The following CPPED1 variants were observed in gnomAD, a reference collection of about 807,000 sequenced individuals.
CPPED1 encodes the protein serine/threonine-protein phosphatase CPPED1.
In CPPED1, 28 loss-of-function variants were observed where a neutral mutation model predicts 28.0. That is an observed-to-expected ratio of 1.00 (90% CI 0.74 to 1.37). The LOEUF (loss-of-function observed/expected upper bound fraction) is 1.37, where lower values mean the gene tolerates loss of function less well. Ranked by LOEUF, CPPED1 falls within the 40% of genes most tolerant of loss-of-function variation. The pLI, the probability that CPPED1 is intolerant of heterozygous loss-of-function variation, is 0.00. For missense variants in CPPED1, 504 were observed against 416.5 expected (o/e 1.21, Z -1.83); for synonymous variants, 198 against 180.2 (o/e 1.10, Z -0.79).
At chr16:12,790,780 T>C (rs1270742194) in intron 1 of CPPED1, among the ~76,000 whole-genome samples, 6 of 151,844 alleles carry the variant, frequency 4.0e-5, no homozygotes, top group South Asian at 2.1e-4. Flanking sequence ...AATATAAAAA[T>C]TAGCCAGGCA....
intron 2 of CPPED1, among the ~76,000 whole-genome samples, chr16:12,768,159 T>A (rs1250815742): frequency 1.3e-5 from 2 of 152,222 alleles, no homozygotes; most frequent in Non-Finnish European, 2.9e-5. Context: ...AAAAGGACTC[T>A]TAAGACCTTT....
At chr16:12,678,263 A>G (rs1307645916) in intron 3 of CPPED1, among the ~76,000 whole-genome samples, 2 of 152,268 alleles carry the variant, frequency 1.3e-5, no homozygotes, top group East Asian at 1.9e-4. Flanking sequence ...CAACTATTCT[A>G]TAAGTAAGAG....
chr16:12,703,409 C>T (rs1404014274), intron 3 of CPPED1, among the ~76,000 whole-genome samples: 2 of 152,148 alleles, frequency 1.3e-5, no homozygotes, highest in African/African-American at 4.8e-5. Context: ...TCCACCTCAC[C>T]AGAGGAAAAC....
At position 12,709,067 on chromosome 16, in the gene CPPED1, C is replaced by T. The variant is rs545970274; in HGVS notation, c.290-4018G>A. Among the ~76,000 whole-genome samples, 1 of 152,196 alleles carries T rather than the reference C, an allele frequency of 6.6e-6. No individual in the cohort carries two copies. The highest frequency in any genetic ancestry group is 2.4e-5 in the African/African-American group (1 of 41,546). On this transcript the variant is annotated intron_variant, in intron 2 of 3. Coordinates refer to ENST00000381774, the MANE Select transcript of CPPED1 (RefSeq NM_018340.3). The surrounding 1 kb of genome is among the most constrained non-coding windows in gnomAD (Gnocchi z 4.4). ...TGCATTCCAGCCTGGGTGACAAGAG[C>T]AAAACTCTGTCTCAAAAATGTCCCA...
intron 3 of CPPED1, 60 bp from the exon 4 acceptor site, chr16:12,665,175 C>A: frequency 6.7e-7 from 1 of 1,485,828 alleles, no homozygotes; most frequent in Non-Finnish European, 9.0e-7. Flanking sequence ...AACCTAGGGT[C>A]TCCAGCATTT....
chr16:12,688,174 G>GA (rs1239085318), intron 3 of CPPED1, among the ~76,000 whole-genome samples: 2 of 151,666 alleles, frequency 1.3e-5, no homozygotes. Flanking sequence ...GGGACTACAG[G>GA]TGCACACCAC....
At chr16:12,718,750 G>C (rs2080121463) in intron 2 of CPPED1, among the ~76,000 whole-genome samples, 2 of 151,618 alleles carry the variant, frequency 1.3e-5, no homozygotes, top group Non-Finnish European at 2.9e-5. Flanking sequence ...ATCACTTGAG[G>C]TCAGGAGTTC....
rs868059189 is a variant in CPPED1 at position 12,662,634 on chromosome 16, C to T, written c.*2252G>A. 3.3e-5 allele frequency: 5 copies of T among 152,120 alleles called. No homozygotes were observed. The highest frequency in any genetic ancestry group is 7.3e-5 in the Non-Finnish European group (5 of 68,034). 9.4% of individuals were successfully genotyped at this position (152,120 alleles called of 1,614,324 possible). On this transcript the variant is annotated 3_prime_UTR_variant, in exon 4 of 4. Coordinates refer to ENST00000381774, the MANE Select transcript of CPPED1 (RefSeq NM_018340.3). The stretch of plus-strand genomic sequence containing the variant: ...TTTATGAGTGAGAACATGAAGTATT[C>T]GACTTTCTACTTCTAAGTTATTTCA...
At chr16:12,727,265 G>C (rs988596918) in intron 2 of CPPED1, among the ~76,000 whole-genome samples, 2 of 152,194 alleles carry the variant, frequency 1.3e-5, no homozygotes, top group African/African-American at 4.8e-5. Flanking sequence ...GGTGGCGACA[G>C]GGAAAACAGT....
intron 2 of CPPED1, among the ~76,000 whole-genome samples, chr16:12,756,864 T>C (rs2080372795): frequency 6.6e-6 from 1 of 151,708 alleles, no homozygotes; most frequent in African/African-American, 2.4e-5. Context: ...TATAGACACC[T>C]ACAGTGCTCT....
intron 2 of CPPED1, among the ~76,000 whole-genome samples, chr16:12,773,570 A>T (rs1329970413): frequency 6.6e-6 from 1 of 152,066 alleles, no homozygotes; most frequent in African/African-American, 2.4e-5. Context: ...TAAACATACT[A>T]AAATTAGCCG....
chr16:12,803,886 T>A lies in CPPED1; in HGVS notation c.-110A>T. ...CCGCTTTGGGCGACGCCCTTTGATC[T>A]CGGGGCGGGACTGGGGCGGGACGGG... On this transcript the variant is annotated 5_prime_UTR_variant, in exon 1 of 4. Transcript: ENST00000381774. 7 of 698,068 alleles carry A rather than the reference T, an allele frequency of 1.0e-5. No homozygotes were observed. Among genetic ancestry groups the A allele is most frequent in the East Asian group, 1.2e-4 (2 of 17,002 alleles). 43.2% of individuals were successfully genotyped at this position (698,068 alleles called of 1,614,324 possible).
rs751998018 is a variant in CPPED1 at position 12,670,667 on chromosome 16, G to T, written c.716-5552C>A. ...AAATCCATCACCCCAGTCTAATCCA[G>T]AGAAAAACATCAGACACATTCCCAA... is the stretch of plus-strand genomic sequence containing the variant. On this transcript the variant is annotated intron_variant, in intron 3 of 3. Coordinates refer to ENST00000381774, the MANE Select transcript of CPPED1 (RefSeq NM_018340.3). This position sits in a 1 kb window ranked among gnomAD's most constrained non-coding sequence, Gnocchi z 4.2. Among the ~76,000 whole-genome samples the T allele has an allele frequency of 5.3e-5, 8 of 152,042 alleles. No homozygotes were observed. The highest frequency in any genetic ancestry group is 1.2e-4 in the Non-Finnish European group (8 of 68,008).
At chr16:12,722,909 G>T (rs1368545349) in intron 2 of CPPED1, among the ~76,000 whole-genome samples, 3 of 152,104 alleles carry the variant, frequency 2.0e-5, no homozygotes, top group Non-Finnish European at 4.4e-5. Context: ...GATGTGTGTG[G>T]GTTGGTCTAA....
chr16:12,685,826 G>A (rs2079929836), intron 3 of CPPED1, among the ~76,000 whole-genome samples: 1 of 152,212 alleles, frequency 6.6e-6, no homozygotes, highest in South Asian at 2.1e-4. Flanking sequence ...TGGAGATTTG[G>A]GAGGAAACCA....
chr16:12,685,782 A>T (rs1449471259), intron 3 of CPPED1, among the ~76,000 whole-genome samples: 1 of 152,172 alleles, frequency 6.6e-6, no homozygotes, highest in Non-Finnish European at 1.5e-5. Flanking sequence ...TACCACGGCC[A>T]CCCAGGGTCT....
intron 3 of CPPED1, among the ~76,000 whole-genome samples, chr16:12,699,306 G>A (rs186017049): frequency 2.6e-3 from 397 of 152,200 alleles, no homozygotes; most frequent in Admixed American, 4.4e-3. Flanking sequence ...TATTTGTACC[G>A]GCTATTGACA....
chr16:12,765,899 T>A (rs1364022400), intron 2 of CPPED1, among the ~76,000 whole-genome samples: 1 of 152,196 alleles, frequency 6.6e-6, no homozygotes, highest in East Asian at 1.9e-4. Flanking sequence ...ACCTGATAAT[T>A]GAACCCCTTT....
At chr16:12,701,794 C>CTGT (rs1169064608) in intron 3 of CPPED1, among the ~76,000 whole-genome samples, 1 of 152,110 alleles carries the variant, frequency 6.6e-6, no homozygotes, top group African/African-American at 2.4e-5. Flanking sequence ...AGTGGACAGG[C>CTGT]TACAGAGACA....
Sources: gnomAD v4.1 joint callset for allele counts (sites outside exome capture counted in the v4.1 genomes callset) on GRCh38, gnomAD v4.1.1 for gene constraint, Gnocchi (gnomAD v3.1) non-coding constraint, MANE v1.5 for transcripts, NCBI Gene and HGNC (gene_info 2026-07-23, HGNC 2026-07-21) for gene names.